The following PI4KA variants were observed in gnomAD, a reference collection of about 807,000 sequenced individuals.
PI4KA encodes phosphatidylinositol 4-kinase alpha.
A neutral mutation model predicts 271.4 loss-of-function variants in PI4KA; 122 were observed. That is an observed-to-expected ratio of 0.45 (90% confidence interval 0.39 to 0.52). The LOEUF (loss-of-function observed/expected upper bound fraction) is 0.52. PI4KA is among the 20% of genes least tolerant of loss of function. The pLI, the probability that PI4KA is intolerant of heterozygous loss-of-function variation, is 0.00. For missense variants in PI4KA, 1,969 were observed against 2,769.1 expected (o/e 0.71, Z 6.48); for synonymous variants, 1,041 against 1,078.8 (o/e 0.96, Z 0.69).
chr22:20,803,315 C>G lies in PI4KA; in HGVS notation c.1467G>C (p.Leu489Phe). 6.2e-7 allele frequency: 1 copy of G among 1,613,990 alleles called. No homozygotes were observed. The highest frequency in any genetic ancestry group is 8.5e-7 in the Non-Finnish European group (1 of 1,179,926). ...LPLLICCLQG[L>F]GRLCERFPVV... ...CCGGGAACCTCTCGCACAGGCGGCC[C>G]AAACCCTGCAACACACCATCAACCT... Residue 489 changes from leucine (L) to phenylalanine (F), a missense_variant, in exon 13 of 55, where the codon TTG (leucine) becomes TTC (phenylalanine). Leu to Phe is a conservative substitution (Grantham distance 22). This residue lies in a region of PI4KA where 228 missense variants were observed against 261.6 expected (regional missense o/e 0.87). Coordinates refer to ENST00000255882, the MANE Select transcript of PI4KA (RefSeq NM_058004.4).
At chr22:20,749,834 C>A in intron 28 of PI4KA, 71 bp downstream of exon 28, 3 of 913,112 alleles carry the variant, frequency 3.3e-6, no homozygotes, top group Non-Finnish European at 5.5e-6. Context: ...TTGAGTTCTT[C>A]ATGTCTCTGT....
At chr22:20,786,711 T>C (rs1386408266) in intron 19 of PI4KA, among the ~76,000 whole-genome samples, 2 of 152,146 alleles carry the variant, frequency 1.3e-5, no homozygotes, top group Admixed American at 1.3e-4. Context: ...CGGCTGCCCC[T>C]GACAGGTGGT....
chr22:20,796,727 C>G (rs758028207), intron 17 of PI4KA, among the ~76,000 whole-genome samples: 1 of 152,272 alleles, frequency 6.6e-6, no homozygotes, highest in Non-Finnish European at 1.5e-5. Context: ...TCATTTACCA[C>G]CCACAGAACT....
chr22:20,721,236 G>A, intron 43 of PI4KA, 62 bp downstream of exon 43: 3 of 1,583,648 alleles, frequency 1.9e-6, no homozygotes, highest in Non-Finnish European at 8.7e-7. Context: ...GGGGGCTGTA[G>A]AAGGTGCTTG....
Position 20,742,615 on chromosome 22 carries a change from G to C in PI4KA, c.3606C>G (p.Ser1202Arg). The C allele has an allele frequency of 6.2e-7, 1 of 1,614,076 alleles. No individual in the cohort carries two copies. The highest frequency in any genetic ancestry group is 8.5e-7 in the Non-Finnish European group (1 of 1,179,944). ...AMFKLTAMLI[S>R]SKDCDPQLLH... ...AGTGCTTCAGTGAGTTACCTTTACTGCTAATGAGCATTGCGGTCAGCTTGA... is the reference window on the plus strand; with the variant it reads ...AGTGCTTCAGTGAGTTACCTTTACTCCTAATGAGCATTGCGGTCAGCTTGA... The change falls in exon 31 of 55, where the codon AGC becomes AGG. Residue 1202 changes from serine (S) to arginine (R), a missense_variant. By Grantham distance (110) the Ser-to-Arg change is moderately radical. Around this residue, in one of 13 missense-constraint regions of PI4KA, gnomAD observed 203 missense variants for 256.8 expected, o/e 0.79. Transcript: ENST00000255882.
At chr22:20,800,704 A>G (rs1321750723) in intron 14 of PI4KA, among the ~76,000 whole-genome samples, 3 of 149,360 alleles carry the variant, frequency 2.0e-5, no homozygotes, top group Non-Finnish European at 3.0e-5. Flanking sequence ...CTACTAAAAA[A>G]AAAAAAAAAA....
chr22:20,820,317 GTGAAGTTACT>G (rs1486610141), intron 5 of PI4KA, among the ~76,000 whole-genome samples: 1 of 152,132 alleles, frequency 6.6e-6, no homozygotes, highest in Non-Finnish European at 1.5e-5. Flanking sequence ...GCCCAGAAGG[GTGAAGTTACT>G]TGTCCAAGGT....
chr22:20,784,319 C>G, intron 19 of PI4KA: 2 of 1,594,692 alleles, frequency 1.3e-6, no homozygotes, highest in Non-Finnish European at 1.7e-6. Context: ...GAAAATGGAT[C>G]ATTTTTTTAA....
At chr22:20,838,490 C>A in intron 2 of PI4KA, 125 bp downstream of exon 2, 1 of 644,866 alleles carries the variant, frequency 1.6e-6, no homozygotes, top group East Asian at 2.6e-5. Context: ...CTCCACTAAC[C>A]ACTTTGATTA....
intron 27 of PI4KA, among the ~76,000 whole-genome samples, chr22:20,750,352 A>C (rs1302392698): frequency 6.6e-6 from 1 of 152,182 alleles, no homozygotes; most frequent in Non-Finnish European, 1.5e-5. Flanking sequence ...TCTCCACAGA[A>C]ACCAGCTCTG....
intron 1 of PI4KA, among the ~76,000 whole-genome samples, chr22:20,850,746 T>C (rs1240177141): frequency 1.3e-5 from 2 of 152,138 alleles, no homozygotes; most frequent in South Asian, 4.2e-4. Flanking sequence ...CTACTAAAAT[T>C]TTTTAAAATT....
At chr22:20,721,580 C>G in intron 42 of PI4KA, 162 bp from the exon 43 acceptor site, 1 of 698,578 alleles carries the variant, frequency 1.4e-6, no homozygotes, top group Non-Finnish European at 2.4e-6. Flanking sequence ...TGAGTCCAGC[C>G]AGTGGCCAGG....
Position 20,734,494 on chromosome 22 carries a change from A to G in PI4KA, c.3801T>C (p.Phe1267=). ...HMTVEQKFGL[F]SAEIKEADPL... ...GGTCTGCTTCCTTTATCTCAGCAGA[A>G]AACAGGCCAAATTTCTGCTCCACCG... Residue 1267 remains phenylalanine, a synonymous_variant, in exon 33 of 55, where the codon TTT becomes TTC. Transcript: ENST00000255882. The G allele has an allele frequency of 6.2e-7, 1 of 1,613,848 alleles. No homozygotes were observed. The highest frequency in any genetic ancestry group is 1.7e-4 in the Middle Eastern group (1 of 6,056).
chr22:20,711,034 G>A (rs1925208230), intron 51 of PI4KA, 176 bp from the exon 52 acceptor site: 3 of 626,888 alleles, frequency 4.8e-6, no homozygotes, highest in Admixed American at 2.4e-5. Context: ...AGCAGGCAGA[G>A]AAAGAGAAGG....
intron 9 of PI4KA, among the ~76,000 whole-genome samples, chr22:20,809,152 C>G (rs2147640342): frequency 6.6e-6 from 1 of 152,246 alleles, no homozygotes; most frequent in Middle Eastern, 3.4e-3. Context: ...GGCTTTGACT[C>G]TGGGAGTCCA....
chr22:20,821,711 C>T (rs148631918), intron 4 of PI4KA, among the ~76,000 whole-genome samples: 2 of 151,562 alleles, frequency 1.3e-5, no homozygotes, highest in Admixed American at 1.3e-4. Context: ...CCTGCCTCAG[C>T]CTCCTTAGCA....
chr22:20,741,588 C>T (rs942055121), intron 32 of PI4KA, among the ~76,000 whole-genome samples: 5 of 152,202 alleles, frequency 3.3e-5, no homozygotes, highest in African/African-American at 1.2e-4. Flanking sequence ...ACTGCCACCA[C>T]CACCAGCCCG....
Position 20,763,023 on chromosome 22 carries a change from G to GT in PI4KA, c.2709-1638_2709-1637insA, listed in dbSNP as rs1279027478. Among the ~76,000 whole-genome samples the GT allele has an allele frequency of 5.9e-4, 59 of 100,038 alleles. 4 individuals carry two copies. In the East Asian group the frequency reaches 0.01, roughly 18 times the overall value. 65.6% of individuals were successfully genotyped at this position (100,038 alleles called of 152,430 possible). A position where few individuals can be genotyped will look rare whatever the true frequency, so the allele number is the denominator to read the frequency against. On this transcript the variant is annotated intron_variant, in intron 22 of 54. Transcript: ENST00000255882. ...GTTTTTTTGCTTTTTTTTTTGGGGGGGGGGGGGGTTAGAGACAAGTTCTTG... is the reference window on the plus strand; with the variant it reads ...GTTTTTTTGCTTTTTTTTTTGGGGGGTGGGGGGGGTTAGAGACAAGTTCTTG...
chr22:20,761,278 T>C, intron 23 of PI4KA, 26 bp downstream of exon 23: 1 of 1,363,382 alleles, frequency 7.3e-7, no homozygotes, highest in Admixed American at 1.7e-5. Context: ...CAATTCATCA[T>C]GAAAGCACCA....
Sources: allele counts gnomAD v4.1 joint callset (sites outside exome capture counted in the v4.1 genomes callset), GRCh38; gene constraint gnomAD v4.1.1; regional missense constraint gnomAD v4.1.1; transcripts MANE v1.5; gene names NCBI Gene and HGNC (gene_info 2026-07-23, HGNC 2026-07-21).